KCMF1: variants seen among roughly 807,000 people sequenced by gnomAD.
The protein encoded by KCMF1 is potassium channel modulatory factor 1, also known as E3 ubiquitin-protein ligase KCMF1.
Under a neutral mutation model 41.1 loss-of-function variants are expected in KCMF1, and 3 were observed. The ratio of observed to expected loss-of-function variants is 0.07; its 90% CI spans 0.03 to 0.19. KCMF1 has a LOEUF of 0.19. KCMF1 is among the 10% of genes least tolerant of loss of function. The probability of loss-of-function intolerance (pLI) is 1.00; values close to 1 mark genes in which losing one functional copy is unlikely to be tolerated. For missense variants in KCMF1, 286 were observed against 488.9 expected (o/e 0.58, Z 3.91); for synonymous variants, 142 against 164.5 (o/e 0.86, Z 1.04).
At chr2:84,988,195 G>A (rs1041259362) in intron 1 of KCMF1, among the ~76,000 whole-genome samples, 1 of 151,876 alleles carries the variant, frequency 6.6e-6, no homozygotes, top group Non-Finnish European at 1.5e-5. Flanking sequence ...TCGCGCCATT[G>A]CACTCCAGCC....
At chr2:85,045,254 ATG>A (rs149063911) in intron 4 of KCMF1, among the ~76,000 whole-genome samples, 1 of 151,700 alleles carries the variant, frequency 6.6e-6, no homozygotes, top group African/African-American at 2.4e-5. Context: ...ACATATATAT[ATG>A]TATATATAAT....
At chr2:85,024,553 T>TGAGAGAGA (rs377478206) in intron 1 of KCMF1, among the ~76,000 whole-genome samples, 24 of 141,764 alleles carry the variant, frequency 1.7e-4, no homozygotes, top group Admixed American at 1.3e-3. Flanking sequence ...ATTTGGAGAG[T>TGAGAGAGA]GAGAGAGAGA....
intron 1 of KCMF1, among the ~76,000 whole-genome samples, chr2:85,026,351 G>T (rs2104026178): frequency 6.6e-6 from 1 of 151,252 alleles, no homozygotes; most frequent in East Asian, 1.9e-4. Context: ...TGCCTTGGCT[G>T]GTCTTGAACT....
At chr2:85,024,556 G>C (rs1379847277) in intron 1 of KCMF1, among the ~76,000 whole-genome samples, 1 of 101,088 alleles carries the variant, frequency 9.9e-6, no homozygotes, top group African/African-American at 4.9e-5. Context: ...TGGAGAGTGA[G>C]AGAGAGAGAG....
intron 3 of KCMF1, among the ~76,000 whole-genome samples, chr2:85,035,623 C>T (rs900368210): frequency 6.6e-6 from 1 of 152,200 alleles, no homozygotes; most frequent in Non-Finnish European, 1.5e-5. Context: ...CAGATCACAT[C>T]TCTTGCTTCC....
intron 3 of KCMF1, among the ~76,000 whole-genome samples, chr2:85,038,359 G>T (rs549409018): frequency 6.6e-6 from 1 of 152,150 alleles, no homozygotes; most frequent in Non-Finnish European, 1.5e-5. Context: ...GGATGGCCAA[G>T]GTGCAGGTAG....
chr2:85,041,267 G>T (rs1675526842), intron 3 of KCMF1, among the ~76,000 whole-genome samples: 1 of 152,150 alleles, frequency 6.6e-6, no homozygotes, highest in African/African-American at 2.4e-5. Flanking sequence ...AAATAAAAAA[G>T]ATTTTGAGTA....
At chr2:84,995,073 G>C (rs1674143289) in intron 1 of KCMF1, among the ~76,000 whole-genome samples, 1 of 151,236 alleles carries the variant, frequency 6.6e-6, no homozygotes, top group African/African-American at 2.4e-5. Flanking sequence ...CCATGCTGGA[G>C]TGCAGTGGTG....
chr2:85,016,534 C>A (rs1342385743), intron 1 of KCMF1, among the ~76,000 whole-genome samples: 1 of 152,036 alleles, frequency 6.6e-6, no homozygotes, highest in Non-Finnish European at 1.5e-5. Flanking sequence ...CAGCTCTCCA[C>A]TCCTGATCTA....
chr2:84,971,525 G>C, intron 1 of KCMF1, 58 bp downstream of exon 1: 1 of 1,038,670 alleles, frequency 9.6e-7, no homozygotes, highest in South Asian at 3.6e-5. Context: ...CCCCGCCCGG[G>C]CCGGGCGCGG....
chr2:84,982,588 G>A (rs113759617), intron 1 of KCMF1, among the ~76,000 whole-genome samples: 2,636 of 151,436 alleles, frequency 0.017, 60 homozygotes, highest in African/African-American at 0.06. Context: ...TAGTAGAGAC[G>A]GGGTTTCGCC....
At chr2:85,008,409 T>TATATTATATATCA (rs1558573734) in intron 1 of KCMF1, among the ~76,000 whole-genome samples, 1 of 127,308 alleles carries the variant, frequency 7.9e-6, no homozygotes, top group Non-Finnish European at 1.6e-5. Context: ...ATATATCATA[T>TATATTATATATCA]TATATATTAT....
chr2:84,983,450 C>T (rs1022342451), intron 1 of KCMF1, among the ~76,000 whole-genome samples: 2 of 152,018 alleles, frequency 1.3e-5, no homozygotes, highest in Non-Finnish European at 2.9e-5. Flanking sequence ...CCTCAATCTC[C>T]TGAGTGGATA....
At chr2:84,972,940 A>G (rs181349573) in intron 1 of KCMF1, among the ~76,000 whole-genome samples, 10 of 152,356 alleles carry the variant, frequency 6.6e-5, no homozygotes, top group Admixed American at 2.0e-4. Context: ...ACACAGAAGT[A>G]GGAAGCTATG....
At chr2:84,974,501 G>A (rs760887145) in intron 1 of KCMF1, among the ~76,000 whole-genome samples, 2 of 151,260 alleles carry the variant, frequency 1.3e-5, no homozygotes, top group Non-Finnish European at 1.5e-5. Context: ...CTCTAGTCCC[G>A]GGTTCAGCAT....
In KCMF1 at chr2:85,054,829, C is replaced by T. The variant is rs1004961495; in HGVS notation, c.*1420C>T. The stretch of plus-strand genomic sequence containing the variant: ...CTTTTCAAAGTCTCCTCTCTTTCTC[C>T]TGTCATCCTTTTCCTTTCCTGTCCG... On this transcript the variant is annotated 3_prime_UTR_variant, in exon 7 of 7. Transcript: ENST00000409785. 2 of 152,182 alleles carry T rather than the reference C, an allele frequency of 1.3e-5. No homozygotes were observed. Among genetic ancestry groups the T allele is most frequent in the Non-Finnish European group, 2.9e-5 (2 of 68,060 alleles). The allele number at this position is 152,182 out of a possible 1,614,324, so 9.4% of individuals were successfully genotyped here. A position where few individuals can be genotyped will look rare whatever the true frequency, so the allele number is the denominator to read the frequency against.
At position 85,046,570 on chromosome 2, in the gene KCMF1, C is replaced by T. The variant is rs117973583; in HGVS notation, c.601+292C>T. The stretch of plus-strand genomic sequence containing the variant: ...GCTTGAGCCTGAAAGGTGGAGGTTC[C>T]AGGGAGCCGAGATCGCACCACTGCA... On this transcript the variant is annotated intron_variant, in intron 5 of 6. Transcript: ENST00000409785. 4.0e-3 allele frequency among the ~76,000 whole-genome samples: 601 copies of T among 150,230 alleles called. 13 individuals are homozygous for T. In the East Asian group the frequency reaches 0.043, roughly 11 times the overall value.
intron 3 of KCMF1, among the ~76,000 whole-genome samples, chr2:85,037,666 C>CT (rs1405337762): frequency 6.6e-6 from 1 of 152,166 alleles, no homozygotes; most frequent in Non-Finnish European, 1.5e-5. Context: ...CAGCAACTTG[C>CT]TATATATCTC....
chr2:84,979,932 C>T (rs1181957941), intron 1 of KCMF1, among the ~76,000 whole-genome samples: 1 of 151,926 alleles, frequency 6.6e-6, no homozygotes, highest in Non-Finnish European at 1.5e-5. Flanking sequence ...AAGTGTTTCT[C>T]CTGCTTCAGC....
Sources: gnomAD v4.1 joint callset for allele counts (sites outside exome capture counted in the v4.1 genomes callset) on GRCh38, gnomAD v4.1.1 for gene constraint, MANE v1.5 for transcripts, NCBI Gene and HGNC (gene_info 2026-07-23, HGNC 2026-07-21) for gene names.